The following MROH9 variants were observed in gnomAD, a reference collection of about 807,000 sequenced individuals.
MROH9 encodes the protein maestro heat like repeat family member 9.
Under a neutral mutation model 98.2 loss-of-function variants are expected in MROH9, and 92 were observed. The observed-to-expected ratio is 0.94, with a 90% CI of 0.79 to 1.11. The LOEUF (loss-of-function observed/expected upper bound fraction) is 1.11. Among genes scored for constraint, MROH9 ranks in the 50% most tolerant of loss-of-function variants. The pLI is 0.00. For synonymous variants in MROH9, 397 were observed against 368.9 expected (o/e 1.08, Z -0.87); for missense variants, 1,057 against 1,014.8 (o/e 1.04, Z -0.57).
intron 15 of MROH9, 121 bp downstream of exon 15, chr1:170,998,395 T>A: frequency 4.4e-6 from 7 of 1,608,968 alleles, no homozygotes; most frequent in Non-Finnish European, 5.9e-6. Context: ...AGACTTAAGA[T>A]CATGAAAGAT....
chr1:171,042,847 C>T (rs1653349300), intron 20 of MROH9, among the ~76,000 whole-genome samples: 1 of 151,918 alleles, frequency 6.6e-6, no homozygotes, highest in Non-Finnish European at 1.5e-5. Flanking sequence ...GATGTTTTTC[C>T]TATAGAGTTG....
chr1:170,942,376 C>G (rs1649153936), intron 1 of MROH9, among the ~76,000 whole-genome samples: 1 of 90,420 alleles, frequency 1.1e-5, no homozygotes, highest in Non-Finnish European at 2.4e-5. Flanking sequence ...TAGACACACA[C>G]ACACACACAC....
chr1:170,944,579 A>T (rs1295964613), intron 1 of MROH9, among the ~76,000 whole-genome samples: 2 of 147,246 alleles, frequency 1.4e-5, no homozygotes, highest in African/African-American at 2.6e-5. Flanking sequence ...AAAAGACGGA[A>T]AAAAGGAATA....
chr1:171,049,369 G>A (rs529663959), intron 20 of MROH9, among the ~76,000 whole-genome samples: 5 of 152,286 alleles, frequency 3.3e-5, no homozygotes, highest in East Asian at 3.9e-4. Flanking sequence ...TCTGGGTGCC[G>A]AGTGAGGGAG....
intron 8 of MROH9, among the ~76,000 whole-genome samples, chr1:170,982,627 C>T (rs1286439438): frequency 6.6e-6 from 1 of 152,248 alleles, no homozygotes; most frequent in South Asian, 2.1e-4. Context: ...TGGTGGCTCA[C>T]ACCTGTAACC....
At chr1:171,033,981 T>G (rs1653014335) in intron 20 of MROH9, among the ~76,000 whole-genome samples, 1 of 152,168 alleles carries the variant, frequency 6.6e-6, no homozygotes, top group African/African-American at 2.4e-5. Context: ...GTAATAAAGT[T>G]ATGGAACTGC....
chr1:170,954,886 A>C (rs1438075000), intron 3 of MROH9, among the ~76,000 whole-genome samples: 1 of 151,890 alleles, frequency 6.6e-6, no homozygotes, highest in African/African-American at 2.4e-5. Flanking sequence ...CTTTAGTGGT[A>C]ATTTGTGAGA....
In MROH9 at chr1:171,020,444, C is replaced by A. The variant is rs376615678; in HGVS notation, c.1909-3951C>A. Among the ~76,000 whole-genome samples, 3 of 152,342 alleles carry A rather than the reference C, an allele frequency of 2.0e-5. No homozygotes were observed. The East Asian group carries it at 5.8e-4, about 29-fold the overall frequency. On this transcript the variant is annotated intron_variant, in intron 17 of 21. Transcript: ENST00000367759. Reference sequence around the variant, plus strand: ...TCAGGTCAGCTTCATCCCCGGGACGCAAGCCTGGTTCAACATATACAAATC... The same window carrying A: ...TCAGGTCAGCTTCATCCCCGGGACGAAAGCCTGGTTCAACATATACAAATC...
chr1:171,063,541 C>T (rs115691541), intron 21 of MROH9, among the ~76,000 whole-genome samples: 3,833 of 152,132 alleles, frequency 0.025, 167 homozygotes, highest in African/African-American at 0.087. Flanking sequence ...CATGAGCCAC[C>T]GTGCCTGGCC....
intron 5 of MROH9, among the ~76,000 whole-genome samples, chr1:170,961,172 A>G (rs1650004104): frequency 6.6e-6 from 1 of 152,238 alleles, no homozygotes; most frequent in South Asian, 2.1e-4. Context: ...AGCAACAGTT[A>G]GAATAAAATA....
chr1:170,949,642 CA>C lies in MROH9; in HGVS notation c.72+2074del, dbSNP rs149520186. Among the ~76,000 whole-genome samples, 466 of 152,048 alleles carry C rather than the reference CA, an allele frequency of 3.1e-3. 12 individuals carry two copies. In the East Asian group the frequency reaches 0.064, roughly 21 times the overall value. On this transcript the variant is annotated intron_variant, in intron 3 of 21. Coordinates refer to ENST00000367759, the MANE Select transcript of MROH9 (RefSeq NM_001163629.2). ...GGCTGGTGTTTCAAAATTTAAAAACCAAAAACCAAAACACAGCACAGTGGGG... is the reference window on the plus strand; with the variant it reads ...GGCTGGTGTTTCAAAATTTAAAAACCAAAACCAAAACACAGCACAGTGGGG...
intron 8 of MROH9, among the ~76,000 whole-genome samples, chr1:170,982,545 G>A (rs1650975191): frequency 6.6e-6 from 1 of 152,096 alleles, no homozygotes; most frequent in African/African-American, 2.4e-5. Flanking sequence ...CTGTGGTAAT[G>A]TTTTACTGAG....
At chr1:170,947,696 G>A in intron 3 of MROH9, 123 bp downstream of exon 3, 4 of 809,472 alleles carry the variant, frequency 4.9e-6, no homozygotes, top group Admixed American at 2.8e-5. Flanking sequence ...GGGGAGAAAG[G>A]GGAAAAAAAG....
At chr1:170,970,243 C>T (rs916116814) in intron 7 of MROH9, among the ~76,000 whole-genome samples, 1 of 152,102 alleles carries the variant, frequency 6.6e-6, no homozygotes, top group African/African-American at 2.4e-5. Flanking sequence ...GACTGTAAGG[C>T]CAATCCCCTG....
rs191799323 is a variant in MROH9, at chr1:170,946,091, A to G, written c.25+510A>G. 2.4e-4 allele frequency among the ~76,000 whole-genome samples: 36 copies of G among 152,190 alleles called. No homozygotes were observed. The East Asian group carries it at 5.8e-3, about 24-fold the overall frequency. ...GAAAGCAAGAAGTTATCAAAATAAA[A>G]CAAAACAAATCTAAGGAATGCAGAA... On this transcript the variant is annotated intron_variant, in intron 2 of 21. Coordinates refer to ENST00000367759, the MANE Select transcript of MROH9 (RefSeq NM_001163629.2).
intron 20 of MROH9, among the ~76,000 whole-genome samples, chr1:171,057,972 A>G (rs1653897388): frequency 1.3e-5 from 2 of 152,204 alleles, no homozygotes; most frequent in East Asian, 1.9e-4. Flanking sequence ...TATGGGGGGA[A>G]AAAAACACCA....
intron 4 of MROH9, among the ~76,000 whole-genome samples, chr1:170,958,797 A>G (rs193267588): frequency 7.7e-4 from 117 of 152,318 alleles, no homozygotes; most frequent in Middle Eastern, 3.4e-3. Flanking sequence ...AAATACTAAG[A>G]TGTGAAAAAC....
intron 8 of MROH9, 114 bp from the exon 9 acceptor site, chr1:170,983,308 C>T (rs191819562): frequency 4.4e-5 from 29 of 663,730 alleles, no homozygotes; most frequent in African/African-American, 1.3e-4. Context: ...GTTAAATATT[C>T]GGAAAACTTC....
intron 3 of MROH9, among the ~76,000 whole-genome samples, chr1:170,951,176 T>C (rs1267004172): frequency 6.6e-6 from 1 of 152,052 alleles, no homozygotes; most frequent in Non-Finnish European, 1.5e-5. Flanking sequence ...TTGCCAATAG[T>C]GTGATAAGGA....
Sources: allele counts gnomAD v4.1 joint callset (sites outside exome capture counted in the v4.1 genomes callset), GRCh38; gene constraint gnomAD v4.1.1; transcripts MANE v1.5; gene names NCBI Gene and HGNC (gene_info 2026-07-23, HGNC 2026-07-21).